The following TANC1 variants were observed in gnomAD, a reference collection of about 807,000 sequenced individuals.
TANC1 encodes the protein protein TANC1.
A neutral mutation model predicts 149.7 loss-of-function variants in TANC1; 77 were observed. That is an observed-to-expected ratio of 0.51 (90% CI 0.43 to 0.62). The LOEUF (loss-of-function observed/expected upper bound fraction) is 0.62. Ranked by LOEUF, TANC1 falls within the 20% of genes least tolerant of loss-of-function variation. The pLI, the probability that TANC1 is intolerant of heterozygous loss-of-function variation, is 0.00. For synonymous variants in TANC1, 854 were observed against 925.0 expected, an observed-to-expected ratio of 0.92 and a Z score of 1.39; for missense variants, 1,985 against 2,321.8, an observed-to-expected ratio of 0.85 and a Z score of 2.98.
chr2:159,015,160 C>T (rs1204731651), intron 2 of TANC1, among the ~76,000 whole-genome samples: 1 of 152,242 alleles, frequency 6.6e-6, no homozygotes, highest in Non-Finnish European at 1.5e-5. Context: ...GGCATCCAGG[C>T]ATTCCCGTGC....
chr2:159,194,108 G>C, intron 16 of TANC1, 149 bp from the exon 17 acceptor site: 1 of 678,978 alleles, frequency 1.5e-6, no homozygotes, highest in Non-Finnish European at 2.7e-6. Flanking sequence ...AATGTGCATT[G>C]TTAATATATT....
At position 159,097,626 on chromosome 2, in the gene TANC1, C is replaced by A. The variant is rs891997687; in HGVS notation, c.62-11C>A. ...GGATGGTTTAACCTAAGTATTCTCT[C>A]TCTACTCTAGGAAGTGACTTTGGTC... is the stretch of plus-strand genomic sequence containing the variant. On this transcript the variant is annotated splice_polypyrimidine_tract_variant and intron_variant, in intron 3 of 26. Transcript: ENST00000263635. The A allele has an allele frequency of 6.2e-7, 1 of 1,606,454 alleles. No individual in the cohort carries two copies. Among genetic ancestry groups the A allele is most frequent in the Middle Eastern group, 1.7e-4 (1 of 6,040 alleles).
intron 4 of TANC1, among the ~76,000 whole-genome samples, chr2:159,100,461 C>T (rs1475730609): frequency 6.6e-6 from 1 of 152,144 alleles, no homozygotes; most frequent in Non-Finnish European, 1.5e-5. Context: ...AGTTTTTCTC[C>T]ATAGGAATGA....
At chr2:159,211,769 C>T (rs1164645343) in intron 19 of TANC1, among the ~76,000 whole-genome samples, 1 of 152,238 alleles carries the variant, frequency 6.6e-6, no homozygotes, top group East Asian at 1.9e-4. Flanking sequence ...TGTCTGTCTG[C>T]ATCATTTGTA....
At chr2:159,005,412 G>A (rs887798637) in intron 2 of TANC1, among the ~76,000 whole-genome samples, 5 of 152,054 alleles carry the variant, frequency 3.3e-5, no homozygotes, top group African/African-American at 9.7e-5. Flanking sequence ...GCAACATGGC[G>A]AAACCCCATC....
intron 5 of TANC1, among the ~76,000 whole-genome samples, chr2:159,145,469 G>A (rs1023683784): frequency 6.6e-6 from 1 of 152,182 alleles, no homozygotes; most frequent in African/African-American, 2.4e-5. Flanking sequence ...CACTAAGAAA[G>A]TGCAGTTGAG....
intron 4 of TANC1, among the ~76,000 whole-genome samples, chr2:159,125,169 CCA>C (rs71907136): frequency 0.29 from 44,055 of 151,938 alleles, 6,600 homozygotes; most frequent in South Asian, 0.41. Flanking sequence ...GGAGTTCTGC[CCA>C]TACAGATTTA....
At position 159,230,389 on chromosome 2, in the gene TANC1, C is replaced by T. The variant is rs2060275751; in HGVS notation, c.4963C>T (p.Arg1655Ter). ...TGGGCTGGCGACCTGCAGCGACGTG[C>T]GACACCCAGCTTCCCTCACCAGCTC... ...QGGLATCSDV[R>*]HPASLTSSGS... The change falls in exon 27 of 27, where the codon CGA becomes TGA. Residue 1655 changes from arginine (R) to a stop codon, truncating the protein, a stop_gained. Coordinates refer to ENST00000263635, the MANE Select transcript of TANC1 (RefSeq NM_033394.3). LOFTEE classifies it high-confidence loss of function. The surrounding 1 kb of genome is among the most constrained non-coding windows in gnomAD (Gnocchi z 4.4). 2 of 1,614,132 alleles carry T rather than the reference C, an allele frequency of 1.2e-6. No individual in the cohort carries two copies. The highest frequency in any genetic ancestry group is 2.2e-5 in the East Asian group (1 of 44,870).
chr2:159,047,602 G>A (rs548707154), intron 2 of TANC1, among the ~76,000 whole-genome samples: 22 of 152,142 alleles, frequency 1.4e-4, no homozygotes, highest in African/African-American at 5.1e-4. Flanking sequence ...TGCAACAGTT[G>A]GTCTCCCACC....
At position 159,192,515 on chromosome 2, in the gene TANC1, C is replaced by G. The variant is rs374768215; in HGVS notation, c.2743-1742C>G. Reference sequence around the variant, plus strand: ...TTGTTGAGGTTAAACAGTGATTTTTCAAAGTGTGGTTCCCCAAACCAAGAG... The same window carrying G: ...TTGTTGAGGTTAAACAGTGATTTTTGAAAGTGTGGTTCCCCAAACCAAGAG... On this transcript the variant is annotated intron_variant, in intron 16 of 26. Coordinates refer to ENST00000263635, the MANE Select transcript of TANC1 (RefSeq NM_033394.3). 3.9e-5 allele frequency among the ~76,000 whole-genome samples: 6 copies of G among 152,224 alleles called. No homozygotes were observed. The East Asian group carries it at 5.8e-4, about 15-fold the overall frequency.
Position 159,228,877 on chromosome 2 carries a change from A to G in TANC1, c.4132A>G (p.Arg1378Gly). Residue 1378 changes from arginine to glycine, a missense_variant, in exon 26 of 27, where the codon AGA becomes GGA. Arg to Gly is a moderately radical substitution (Grantham distance 125). Around this residue, in one of 3 missense-constraint regions of TANC1, gnomAD observed 920 missense variants for 994.7 expected, o/e 0.92. Transcript: ENST00000263635. ...CTATGAAGCCTTTTATGCCAGAGCA[A>G]GAGCGAAGAGAAATAGCAGGTACCG... ...KSYEAFYARA[R>G]AKRNSRQFVA... 1 of 1,614,040 alleles carries G rather than the reference A, an allele frequency of 6.2e-7. No individual in the cohort carries two copies. Among genetic ancestry groups the G allele is most frequent in the Non-Finnish European group, 8.5e-7 (1 of 1,179,864 alleles).
intron 14 of TANC1, among the ~76,000 whole-genome samples, chr2:159,185,037 CT>C (rs2056844522): frequency 6.6e-6 from 1 of 152,196 alleles, no homozygotes; most frequent in South Asian, 2.1e-4. Context: ...TAATGTTTAT[CT>C]TTTCCTCCCT....
chr2:159,228,944 A>C (rs372074118), intron 26 of TANC1, 48 bp downstream of exon 26: 3 of 1,458,558 alleles, frequency 2.1e-6, no homozygotes, highest in Non-Finnish European at 1.9e-6. Context: ...TTCTTGTGGG[A>C]TCAAACCTGC....
chr2:159,084,457 AT>A (rs1380363566), intron 3 of TANC1, among the ~76,000 whole-genome samples: 1 of 152,186 alleles, frequency 6.6e-6, no homozygotes, highest in African/African-American at 2.4e-5. Flanking sequence ...ACATTGAGGC[AT>A]TTTTTCCCCC....
intron 10 of TANC1, among the ~76,000 whole-genome samples, chr2:159,171,197 C>T (rs1335814448): frequency 6.6e-6 from 1 of 152,160 alleles, no homozygotes; most frequent in African/African-American, 2.4e-5. Flanking sequence ...CAGCCTTCGT[C>T]TTCTGTATTG....
chr2:159,224,107 C>T (rs1353961970), intron 22 of TANC1, 125 bp from the exon 23 acceptor site: 2 of 1,118,016 alleles, frequency 1.8e-6, no homozygotes, highest in African/African-American at 1.5e-5. Flanking sequence ...TATTTCTAGT[C>T]TAGGATCCTT....
At chr2:159,160,248 A>C (rs574714377) in intron 7 of TANC1, among the ~76,000 whole-genome samples, 1 of 152,326 alleles carries the variant, frequency 6.6e-6, no homozygotes, top group South Asian at 2.1e-4. Flanking sequence ...TACTAGTCCA[A>C]AGAACAAAAT....
intron 2 of TANC1, among the ~76,000 whole-genome samples, chr2:159,043,036 G>A (rs2040776090): frequency 6.6e-6 from 1 of 152,166 alleles, no homozygotes; most frequent in Non-Finnish European, 1.5e-5. Context: ...AAGAGCAGGT[G>A]CTTCTCAGTT....
chr2:159,191,308 C>T (rs1268750822), intron 16 of TANC1, among the ~76,000 whole-genome samples: 4 of 152,274 alleles, frequency 2.6e-5, no homozygotes, highest in South Asian at 2.1e-4. Context: ...ACTTCTGTAT[C>T]GTAGAACCAG....
Sources: allele counts gnomAD v4.1 joint callset (sites outside exome capture counted in the v4.1 genomes callset), GRCh38; gene constraint gnomAD v4.1.1; regional missense constraint gnomAD v4.1.1; non-coding constraint Gnocchi (gnomAD v3.1); transcripts MANE v1.5; gene names NCBI Gene and HGNC (gene_info 2026-07-23, HGNC 2026-07-21).